The following ACSL3 variants were observed in gnomAD, a reference collection of about 807,000 sequenced individuals.
ACSL3 encodes fatty acid CoA ligase Acsl3.
ACSL3 carries 34 observed loss-of-function variants against 84.7 expected under a neutral mutation model. The ratio of observed to expected loss-of-function variants is 0.40; its 90% CI spans 0.31 to 0.53. ACSL3 has a LOEUF of 0.53. ACSL3 is among the 20% of genes least tolerant of loss of function. ACSL3 has a pLI of 0.48. For missense variants in ACSL3, 680 were observed against 873.1 expected (o/e 0.78, Z 2.79); for synonymous variants, 315 against 299.4 (o/e 1.05, Z -0.54).
rs568845336 is a variant in ACSL3, at chr2:222,900,661, A to G, written c.-147-13A>G. On this transcript the variant is annotated splice_polypyrimidine_tract_variant and intron_variant, in intron 2 of 16. Coordinates refer to ENST00000357430, the MANE Select transcript of ACSL3 (RefSeq NM_004457.5). ...CAGCTCTAATTCATGACTTAATTCT[A>G]TATTGTATTCAGATACAGAATTCGT... 2 of 152,184 alleles carry G rather than the reference A, an allele frequency of 1.3e-5. No individual in the cohort carries two copies. Among genetic ancestry groups the G allele is most frequent in the South Asian group, 2.1e-4 (1 of 4,816 alleles). 9.4% of individuals were successfully genotyped at this position (152,184 alleles called of 1,614,324 possible). A position where few individuals can be genotyped will look rare whatever the true frequency, so the allele number is the denominator to read the frequency against.
intron 1 of ACSL3, among the ~76,000 whole-genome samples, chr2:222,886,010 T>G (rs1695713565): frequency 6.6e-6 from 1 of 152,120 alleles, no homozygotes; most frequent in South Asian, 2.1e-4. Context: ...CCCAAAGTGT[T>G]GGGATTACAG....
In ACSL3 at chr2:222,941,752, C is replaced by T; in HGVS notation, c.*98C>T. ...AAGCTGCAAGGCAAACTCCATTCCT[C>T]ATATTAAACTATTACTTCTCATGAC... is the stretch of plus-strand genomic sequence containing the variant. On this transcript the variant is annotated 3_prime_UTR_variant, in exon 17 of 17. Coordinates refer to ENST00000357430, the MANE Select transcript of ACSL3 (RefSeq NM_004457.5). The T allele has an allele frequency of 7.6e-7, 1 of 1,307,368 alleles. No individual in the cohort carries two copies. Among genetic ancestry groups the T allele is most frequent in the Non-Finnish European group, 1.0e-6 (1 of 963,878 alleles). The allele number at this position is 1,307,368 out of a possible 1,614,324, so 81.0% of individuals were successfully genotyped here.
intron 1 of ACSL3, chr2:222,861,589 CGGGGTGGGGA>C (rs1695010575): frequency 6.6e-6 from 1 of 152,194 alleles, no homozygotes; most frequent in Admixed American, 6.5e-5. Flanking sequence ...CGCTGTGGGG[CGGGGTGGGGA>C]GGCCACCCCC....
At chr2:222,884,275 A>G (rs1366424742) in intron 1 of ACSL3, among the ~76,000 whole-genome samples, 5 of 152,354 alleles carry the variant, frequency 3.3e-5, no homozygotes, top group East Asian at 1.9e-4. Context: ...GAAGACTTTT[A>G]AGAGATCTGG....
intron 2 of ACSL3, among the ~76,000 whole-genome samples, chr2:222,900,438 T>A (rs527553024): frequency 6.6e-6 from 1 of 152,226 alleles, no homozygotes; most frequent in Non-Finnish European, 1.5e-5. Flanking sequence ...CTCCAAAATG[T>A]GTGCCTCTAG....
chr2:222,891,885 C>G (rs2106103412), intron 2 of ACSL3, among the ~76,000 whole-genome samples: 1 of 152,194 alleles, frequency 6.6e-6, no homozygotes, highest in East Asian at 1.9e-4. Flanking sequence ...TTATTATTTC[C>G]TCATAAAACT....
At chr2:222,941,410 G>C in intron 16 of ACSL3, 87 bp from the exon 17 acceptor site, 1 of 1,110,374 alleles carries the variant, frequency 9.0e-7, no homozygotes, top group Non-Finnish European at 1.3e-6. Flanking sequence ...TGTGCATTTT[G>C]ATGGATACGC....
rs189399096 is a variant in ACSL3, at chr2:222,899,768, A to C, written c.-147-906A>C. On this transcript the variant is annotated intron_variant, in intron 2 of 16. Transcript: ENST00000357430. The stretch of plus-strand genomic sequence containing the variant: ...CTACAGGGTTTGTGATAAAGGAATA[A>C]TTTTCTTAATTACTATATTAAGATA... 3.8e-3 allele frequency among the ~76,000 whole-genome samples: 583 copies of C among 152,196 alleles called. 2 individuals carry two copies. Among genetic ancestry groups the C allele is most frequent in the Middle Eastern group, 0.02 (6 of 294 alleles).
intron 9 of ACSL3, 56 bp downstream of exon 9, chr2:222,922,887 A>AT (rs1249539356): frequency 2.2e-5 from 35 of 1,605,352 alleles, no homozygotes; most frequent in Admixed American, 3.4e-5. Context: ...ATTGTAATGC[A>AT]TTTTTTTCAG....
At chr2:222,906,411 G>C (rs1259038847) in intron 3 of ACSL3, among the ~76,000 whole-genome samples, 1 of 152,060 alleles carries the variant, frequency 6.6e-6, no homozygotes, top group Non-Finnish European at 1.5e-5. Context: ...TATTGTTTTG[G>C]ACAAAGCTTT....
chr2:222,872,020 T>A (rs1695316961), intron 1 of ACSL3, among the ~76,000 whole-genome samples: 1 of 152,080 alleles, frequency 6.6e-6, no homozygotes, highest in Non-Finnish European at 1.5e-5. Context: ...TGTATAATTC[T>A]AGGGAAAAAC....
chr2:222,940,350 T>G (rs973349142), intron 16 of ACSL3, among the ~76,000 whole-genome samples: 1 of 152,146 alleles, frequency 6.6e-6, no homozygotes. Context: ...AAGGAAAAGG[T>G]GAATTTCCCC....
intron 7 of ACSL3, among the ~76,000 whole-genome samples, chr2:222,920,557 C>T (rs373345633): frequency 1.1e-4 from 17 of 152,302 alleles, no homozygotes; most frequent in African/African-American, 3.4e-4. Context: ...ATACTCTAGT[C>T]CAAAGCTACC....
At chr2:222,875,785 A>G (rs923311031) in intron 1 of ACSL3, among the ~76,000 whole-genome samples, 23 of 152,104 alleles carry the variant, frequency 1.5e-4, no homozygotes, top group African/African-American at 4.8e-4. Flanking sequence ...TGGGTTGTCC[A>G]GTTCAGTGTC....
intron 1 of ACSL3, among the ~76,000 whole-genome samples, chr2:222,867,343 A>G (rs181754308): frequency 2.2e-4 from 33 of 152,264 alleles, no homozygotes; most frequent in Admixed American, 2.0e-3. Flanking sequence ...AATTTAATCC[A>G]CTTAAAGAAA....
chr2:222,913,522 A>T (rs1380649231), intron 4 of ACSL3, among the ~76,000 whole-genome samples: 1 of 152,164 alleles, frequency 6.6e-6, no homozygotes, highest in African/African-American at 2.4e-5. Flanking sequence ...GAAGCCAAAA[A>T]ATCAGGGGTG....
chr2:222,924,334 A>C (rs1696818289), intron 10 of ACSL3, 122 bp from the exon 11 acceptor site: 3 of 824,614 alleles, frequency 3.6e-6, no homozygotes, highest in Non-Finnish European at 5.2e-6. Context: ...AATCACATCC[A>C]CAGTTGAAGA....
At chr2:222,885,989 C>T (rs999254467) in intron 1 of ACSL3, among the ~76,000 whole-genome samples, 5 of 151,996 alleles carry the variant, frequency 3.3e-5, no homozygotes, top group Non-Finnish European at 7.4e-5. Context: ...GTGATCCACC[C>T]GTGTCAGCCT....
chr2:222,933,045 C>T (rs940681308), intron 14 of ACSL3, 121 bp from the exon 15 acceptor site: 90 of 587,548 alleles, frequency 1.5e-4, no homozygotes, highest in Non-Finnish European at 2.2e-4. Flanking sequence ...CTTAATTTTG[C>T]AAAGTTTTAA....
Sources: gnomAD v4.1 joint callset for allele counts (sites outside exome capture counted in the v4.1 genomes callset) on GRCh38, gnomAD v4.1.1 for gene constraint, MANE v1.5 for transcripts, NCBI Gene and HGNC (gene_info 2026-07-23, HGNC 2026-07-21) for gene names.